Variants in CFAP99 observed in about 807,000 individuals in gnomAD.
The protein encoded by CFAP99 is cilia and flagella associated protein 99.
A neutral mutation model predicts 82.7 loss-of-function variants in CFAP99; 84 were observed. That is an observed-to-expected ratio of 1.02 (90% CI 0.85 to 1.22). The LOEUF (loss-of-function observed/expected upper bound fraction) is 1.22, where lower values mean the gene tolerates loss of function less well. Ranked by LOEUF, CFAP99 falls within the 50% of genes most tolerant of loss-of-function variation. CFAP99 has a pLI of 0.00. For missense variants in CFAP99, 1,059 were observed against 983.5 expected (o/e 1.08, Z -1.03); for synonymous variants, 456 against 429.5 (o/e 1.06, Z -0.76).
intron 4 of CFAP99, 26 bp from the exon 5 acceptor site, chr4:2,443,104 C>T (rs79462683): frequency 1.5e-6 from 2 of 1,303,986 alleles, no homozygotes; most frequent in Non-Finnish European, 2.1e-6. Flanking sequence ...GGGCTCCGGC[C>T]CCCTGACAGC....
exon 12 of CFAP99, chr4:2,458,723 A>G: frequency 2.6e-6 from 4 of 1,532,666 alleles, no homozygotes; most frequent in Non-Finnish European, 2.6e-6. Flanking sequence ...GTCTGGGCAG[A>G]TGGCCAAGCT....
Position 2,426,385 on chromosome 4 carries a change from C to T in CFAP99, c.-17-74C>T, listed in dbSNP as rs1243623494. Reference sequence around the variant, plus strand: ...TACAGGCCCAACACCCTGGCAGACTCCTGTCGCTGCTGGGGAGGGTCCTGC... The same window carrying T: ...TACAGGCCCAACACCCTGGCAGACTTCTGTCGCTGCTGGGGAGGGTCCTGC... On this transcript the variant is annotated intron_variant, in intron 1 of 14. Transcript: ENST00000635017. The T allele has an allele frequency of 1.5e-5, 14 of 917,762 alleles. No homozygotes were observed. The East Asian group carries it at 3.7e-4, about 24-fold the overall frequency. The allele number at this position is 917,762 out of a possible 1,614,324, so 56.9% of individuals were successfully genotyped here.
rs1434150510 is a variant in CFAP99, at chr4:2,462,438, G to A, written c.1662-5G>A. On this transcript the variant is annotated splice_polypyrimidine_tract_variant and splice_region_variant and intron_variant, in intron 14 of 14. Transcript: ENST00000635017. The surrounding 1 kb of genome is among the most constrained non-coding windows in gnomAD (Gnocchi z 4.1). The stretch of plus-strand genomic sequence containing the variant: ...TGCTCCTGAGCCCGCCGCGTCGCCC[G>A]CCAGGTGGGAGGAAAAGAAGGCCCT... The A allele has an allele frequency of 2.8e-6, 4 of 1,435,568 alleles. No homozygotes were observed. Among genetic ancestry groups the A allele is most frequent in the South Asian group, 1.4e-5 (1 of 70,036 alleles). 88.9% of individuals were successfully genotyped at this position (1,435,568 alleles called of 1,614,324 possible).
chr4:2,445,015 C>T, intron 5 of CFAP99, 116 bp from the exon 6 acceptor site: 2 of 672,064 alleles, frequency 3.0e-6, no homozygotes, highest in Non-Finnish European at 4.2e-6. Context: ...CCCACTATCA[C>T]CTCCACCCCA....
chr4:2,449,614 G>A, intron 6 of CFAP99, 56 bp from the exon 7 acceptor site: 1 of 1,478,628 alleles, frequency 6.8e-7, no homozygotes, highest in Non-Finnish European at 9.1e-7. Flanking sequence ...GCATTTCTAG[G>A]CCCCCTCCCA....
chr4:2,438,205 G>C (rs1308702), intron 4 of CFAP99, 41 bp downstream of exon 4: 90 of 1,169,288 alleles, frequency 7.7e-5, no homozygotes, highest in Middle Eastern at 1.9e-4. Context: ...CGAGGCCCAC[G>C]GGTGAGGTCC....
exon 14 of CFAP99, chr4:2,460,138 G>T: frequency 6.5e-7 from 1 of 1,536,126 alleles, no homozygotes; most frequent in Non-Finnish European, 8.7e-7. Context: ...AAGAAAAGCG[G>T]GATCAAATCA....
In CFAP99 at chr4:2,420,954, C is replaced by A. The variant is rs188445061; in HGVS notation, c.-18+1861C>A. Among the ~76,000 whole-genome samples, 20 of 152,332 alleles carry A rather than the reference C, an allele frequency of 1.3e-4. No individual in the cohort carries two copies. The East Asian group carries it at 3.3e-3, about 25-fold the overall frequency. On this transcript the variant is annotated intron_variant, in intron 1 of 14. Coordinates refer to ENST00000635017, the Ensembl canonical transcript of CFAP99. The stretch of plus-strand genomic sequence containing the variant: ...TCTTGAAGGTGGTGGGAGAACTTAG[C>A]CACACAACCATGCCCCAGCTGCCAG...
intron 6 of CFAP99, 144 bp downstream of exon 6, chr4:2,445,452 C>G (rs745893894): frequency 8.4e-6 from 6 of 710,656 alleles, no homozygotes; most frequent in Non-Finnish European, 1.2e-5. Flanking sequence ...ACTAAATGAC[C>G]CCACCCCACC....
chr4:2,419,475 T>C (rs1316293964), intron 1 of CFAP99, among the ~76,000 whole-genome samples: 3 of 152,150 alleles, frequency 2.0e-5, no homozygotes, highest in African/African-American at 7.2e-5. Flanking sequence ...CTGTGGGGGT[T>C]GCATCCAGAT....
chr4:2,440,424 G>A (rs1167687178), intron 4 of CFAP99, among the ~76,000 whole-genome samples: 1 of 151,174 alleles, frequency 6.6e-6, no homozygotes, highest in Non-Finnish European at 1.5e-5. Context: ...GGGATTACAG[G>A]CGTGAGCCAC....
At chr4:2,433,368 C>T (rs967515186) in intron 2 of CFAP99, among the ~76,000 whole-genome samples, 3 of 150,442 alleles carry the variant, frequency 2.0e-5, no homozygotes, top group East Asian at 1.9e-4. Flanking sequence ...TCACTGCTCT[C>T]GGAAGGGTCT....
intron 3 of CFAP99, among the ~76,000 whole-genome samples, chr4:2,437,800 A>T (rs1233050739): frequency 1.3e-5 from 2 of 152,234 alleles, no homozygotes; most frequent in Non-Finnish European, 2.9e-5. Flanking sequence ...ACAAGTCCAA[A>T]ATGATTTCAC....
chr4:2,454,167 C>CT (rs949142107), intron 11 of CFAP99, among the ~76,000 whole-genome samples: 1 of 152,066 alleles, frequency 6.6e-6, no homozygotes, highest in African/African-American at 2.4e-5. Context: ...CCAGCTATTT[C>CT]TTTTTTTGTA....
At chr4:2,444,944 G>A (rs1390310580) in intron 5 of CFAP99, among the ~76,000 whole-genome samples, 187 bp from the exon 6 acceptor site, 1 of 152,164 alleles carries the variant, frequency 6.6e-6, no homozygotes, top group African/African-American at 2.4e-5. Context: ...TGTTTCAGGG[G>A]TTTAGTTGAC....
chr4:2,462,699 C>T lies in CFAP99; in HGVS notation c.1918C>T (p.Arg640Trp). The T allele has an allele frequency of 1.6e-6, 2 of 1,248,638 alleles. No homozygotes were observed. Among genetic ancestry groups the T allele is most frequent in the South Asian group, 2.8e-5 (1 of 35,792 alleles). The allele number at this position is 1,248,638 out of a possible 1,614,324, so 77.3% of individuals were successfully genotyped here. A position where few individuals can be genotyped will look rare whatever the true frequency, so the allele number is the denominator to read the frequency against. ...GCGCGCAGGGACCGGCGTCCCGGGG[C>T]GGGGATGGCGGGGAGATCGGGTCCG... Residue 640 changes from arginine (R) to tryptophan (W), a missense_variant, in exon 15 of 15, where the codon CGG becomes TGG. Arg to Trp is a moderately radical substitution (Grantham distance 101). Transcript: ENST00000635017. This position sits in a 1 kb window ranked among gnomAD's most constrained non-coding sequence, Gnocchi z 4.1.
rs535080824 is a variant in CFAP99 at position 2,446,808 on chromosome 4, G to C, written c.642+1500G>C. ...TTATCAGATGGATGGTAGATGGATG[G>C]GTGGATGAATGGATGGATGGATGGA... is the stretch of plus-strand genomic sequence containing the variant. On this transcript the variant is annotated intron_variant, in intron 6 of 14. Transcript: ENST00000635017. This position sits in a 1 kb window ranked among gnomAD's most constrained non-coding sequence, Gnocchi z 5.0. 6.9e-6 allele frequency among the ~76,000 whole-genome samples: 1 copy of C among 143,918 alleles called. No individual in the cohort carries two copies. The highest frequency in any genetic ancestry group is 2.2e-4 in the East Asian group (1 of 4,536). The allele number at this position is 143,918 out of a possible 152,430, so 94.4% of individuals were successfully genotyped here.
rs61790175 is a variant in CFAP99 at position 2,459,725 on chromosome 4, G to A, written c.1456-312G>A. Among the ~76,000 whole-genome samples, 1,123 of 152,314 alleles carry A rather than the reference G, an allele frequency of 7.4e-3. 5 individuals are homozygous for A. The highest frequency in any genetic ancestry group is 0.02 in the Middle Eastern group (6 of 294). ...CAGCTGCAGGGCCTGGCCCAGCCCCGAGGCCATGGGGAGTGCAAACGGCTG... is the reference window on the plus strand; with the variant it reads ...CAGCTGCAGGGCCTGGCCCAGCCCCAAGGCCATGGGGAGTGCAAACGGCTG... On this transcript the variant is annotated intron_variant, in intron 13 of 14. Transcript: ENST00000635017.
At chr4:2,461,537 C>T (rs1734621006) in intron 14 of CFAP99, among the ~76,000 whole-genome samples, 1 of 152,210 alleles carries the variant, frequency 6.6e-6, no homozygotes, top group African/African-American at 2.4e-5. Flanking sequence ...AGGTGGCACA[C>T]ACCTGGACAG....
Sources: gnomAD v4.1 joint callset for allele counts (sites outside exome capture counted in the v4.1 genomes callset) on GRCh38, gnomAD v4.1.1 for gene constraint, Gnocchi (gnomAD v3.1) non-coding constraint, MANE v1.5 for transcripts, NCBI Gene and HGNC (gene_info 2026-07-23, HGNC 2026-07-21) for gene names.